UBE2K: variants seen among roughly 807,000 people sequenced by gnomAD.
UBE2K encodes the protein ubiquitin-conjugating enzyme E2 K.
In UBE2K, 6 loss-of-function variants were observed where a neutral mutation model predicts 30.0. The ratio of observed to expected loss-of-function variants is 0.20; its 90% confidence interval spans 0.11 to 0.39. UBE2K has a LOEUF of 0.39. UBE2K is among the 10% of genes least tolerant of loss of function. UBE2K has a pLI of 1.00. For synonymous variants in UBE2K, 86 were observed against 83.7 expected, an observed-to-expected ratio of 1.03 and a Z score of -0.15; for missense variants, 61 against 241.6, an observed-to-expected ratio of 0.25 and a Z score of 4.96.
At chr4:39,698,446 C>T in intron 1 of UBE2K, 56 bp downstream of exon 1, 4 of 1,514,426 alleles carry the variant, frequency 2.6e-6, no homozygotes, top group Non-Finnish European at 3.6e-6. Context: ...GAGGGTCCTC[C>T]CAGCTGCGAC....
intron 1 of UBE2K, among the ~76,000 whole-genome samples, chr4:39,724,818 A>G (rs1719648575): frequency 6.6e-6 from 1 of 151,480 alleles, no homozygotes; most frequent in African/African-American, 2.4e-5. Context: ...AAAGTAACTG[A>G]GATACATAAG....
rs751488135 is a variant in UBE2K, at chr4:39,774,880, C to T, written c.346C>T (p.Leu116=). 4 of 1,605,992 alleles carry T rather than the reference C, an allele frequency of 2.5e-6. No individual in the cohort carries two copies. In the South Asian group the frequency reaches 3.3e-5, roughly 13 times the overall value. ...LRTVLLSLQA[L]LAAAEPDDPQ... ...CACGGTATTATTGTCATTGCAAGCA[C>T]TATTGGCAGCTGCAGAGCCAGATGA... is the stretch of plus-strand genomic sequence containing the variant. The change falls in exon 5 of 7, where the codon CTA becomes TTA. Residue 116 remains leucine, a synonymous_variant. Transcript: ENST00000261427.
intron 1 of UBE2K, among the ~76,000 whole-genome samples, chr4:39,698,716 G>A (rs1383048513): frequency 6.6e-6 from 1 of 152,214 alleles, no homozygotes; most frequent in Non-Finnish European, 1.5e-5. Flanking sequence ...CTGTGGGGTG[G>A]GGAGGGAGCA....
At position 39,698,351 on chromosome 4, in the gene UBE2K, A is replaced by G; in HGVS notation, c.24A>G (p.Arg8=). ...ACATGGCCAACATCGCGGTGCAGCG[A>G]ATCAAGCGGGAGTTCAAGGAGGTGC... MANIAVQ[R]IKREFKEVLK... Residue 8 remains arginine, a synonymous_variant, in exon 1 of 7, where the codon CGA becomes CGG. Coordinates refer to ENST00000261427, the MANE Select transcript of UBE2K (RefSeq NM_005339.5). The G allele has an allele frequency of 6.2e-7, 1 of 1,613,344 alleles. No homozygotes were observed. Among genetic ancestry groups the G allele is most frequent in the Non-Finnish European group, 8.5e-7 (1 of 1,179,784 alleles).
At chr4:39,760,724 C>T (rs888339185) in intron 4 of UBE2K, among the ~76,000 whole-genome samples, 3 of 151,848 alleles carry the variant, frequency 2.0e-5, no homozygotes, top group Non-Finnish European at 4.4e-5. Flanking sequence ...GGTGAAACCC[C>T]GTCTCTACTA....
intron 4 of UBE2K, chr4:39,771,027 C>G (rs1712777561): frequency 1.2e-6 from 2 of 1,612,144 alleles, no homozygotes; most frequent in Non-Finnish European, 1.7e-6. Flanking sequence ...CCTCACGGAC[C>G]CCATCCTCTT....
intron 5 of UBE2K, among the ~76,000 whole-genome samples, chr4:39,776,663 T>G (rs1301095696): frequency 6.6e-6 from 1 of 152,190 alleles, no homozygotes; most frequent in Non-Finnish European, 1.5e-5. Context: ...AGATTTTAAT[T>G]TATATATTAT....
chr4:39,730,836 G>T (rs1265551875), intron 1 of UBE2K, among the ~76,000 whole-genome samples: 2 of 123,956 alleles, frequency 1.6e-5, no homozygotes, highest in Non-Finnish European at 3.2e-5. Flanking sequence ...TTTTGAGACA[G>T]AGTCTCACTC....
chr4:39,769,594 A>G (rs1274657449), intron 4 of UBE2K, among the ~76,000 whole-genome samples: 2 of 150,006 alleles, frequency 1.3e-5, no homozygotes, highest in African/African-American at 5.0e-5. Context: ...GGACTCAATA[A>G]TCTTTTCCCC....
chr4:39,745,846 A>C, intron 3 of UBE2K, 36 bp downstream of exon 3: 1 of 1,458,924 alleles, frequency 6.9e-7, no homozygotes, highest in East Asian at 2.3e-5. Flanking sequence ...GAAGTTACAA[A>C]ATATTTTATA....
chr4:39,752,806 C>G (rs926867888), intron 3 of UBE2K, among the ~76,000 whole-genome samples: 2 of 151,896 alleles, frequency 1.3e-5, no homozygotes, highest in Admixed American at 1.3e-4. Context: ...ACATGTCACT[C>G]AAAGAAAATG....
chr4:39,717,895 A>T (rs1265687329), intron 1 of UBE2K, among the ~76,000 whole-genome samples: 1 of 142,080 alleles, frequency 7.0e-6, no homozygotes, highest in Admixed American at 6.8e-5. Context: ...GCGCGTCTGG[A>T]GTTGTTCGTT....
chr4:39,710,569 T>A (rs959197713), intron 1 of UBE2K, among the ~76,000 whole-genome samples: 1 of 152,108 alleles, frequency 6.6e-6, no homozygotes, highest in Non-Finnish European at 1.5e-5. Flanking sequence ...GCACCCTGCC[T>A]ATCTGACATT....
chr4:39,767,818 T>C (rs1712449479), intron 4 of UBE2K, among the ~76,000 whole-genome samples: 1 of 152,106 alleles, frequency 6.6e-6, no homozygotes, highest in Admixed American at 6.6e-5. Flanking sequence ...TGAGTGAAAA[T>C]TTTTCTTTGC....
intron 6 of UBE2K, 51 bp from the exon 7 acceptor site, chr4:39,778,309 T>C (rs560729376): frequency 1.6e-6 from 2 of 1,228,886 alleles, no homozygotes; most frequent in Admixed American, 1.8e-5. Flanking sequence ...TTCAGTATTG[T>C]TTAAATGTTT....
At chr4:39,703,724 G>A (rs1370067681) in intron 1 of UBE2K, among the ~76,000 whole-genome samples, 1 of 151,506 alleles carries the variant, frequency 6.6e-6, no homozygotes, top group Non-Finnish European at 1.5e-5. Flanking sequence ...GTGAGTGCCT[G>A]TAGTCCCAGC....
intron 4 of UBE2K, chr4:39,770,940 G>A: frequency 1.3e-6 from 2 of 1,572,056 alleles, no homozygotes; most frequent in Non-Finnish European, 1.7e-6. Context: ...TGGGGGGTGG[G>A]GGCTTCGGGG....
chr4:39,718,284 G>A (rs1204852471), intron 1 of UBE2K, among the ~76,000 whole-genome samples: 1 of 152,214 alleles, frequency 6.6e-6, no homozygotes, highest in Non-Finnish European at 1.5e-5. Flanking sequence ...TAGATACAGA[G>A]TGTCGATTGC....
intron 1 of UBE2K, among the ~76,000 whole-genome samples, chr4:39,712,664 C>G (rs1286888827): frequency 6.6e-6 from 1 of 151,982 alleles, no homozygotes; most frequent in Admixed American, 6.6e-5. Flanking sequence ...TTGTGATTCG[C>G]CCACCTCGGC....
Sources: allele counts gnomAD v4.1 joint callset (sites outside exome capture counted in the v4.1 genomes callset), GRCh38; gene constraint gnomAD v4.1.1; transcripts MANE v1.5; gene names NCBI Gene and HGNC (gene_info 2026-07-23, HGNC 2026-07-21).